Variants in C9 observed in about 807,000 individuals in gnomAD.
C9 encodes the protein complement component C9.
In C9, 63 loss-of-function variants were observed where a neutral mutation model predicts 65.4. The observed-to-expected ratio is 0.96, with a 90% CI of 0.79 to 1.19. The LOEUF is 1.19. C9 is among the 50% of genes most tolerant of loss of function. C9 has a pLI of 0.00. For missense variants in C9, 744 were observed against 670.1 expected, an observed-to-expected ratio of 1.11 and a Z score of -1.22; for synonymous variants, 229 against 227.9, an observed-to-expected ratio of 1.00 and a Z score of -0.04.
chr5:39,360,409 C>G (rs1754494831), intron 1 of C9, among the ~76,000 whole-genome samples: 1 of 152,116 alleles, frequency 6.6e-6, no homozygotes, highest in South Asian at 2.1e-4. Flanking sequence ...TAACTAGTCA[C>G]TTTCAGGTCT....
At chr5:39,296,469 A>G (rs112777519) in intron 9 of C9, among the ~76,000 whole-genome samples, 2 of 151,702 alleles carry the variant, frequency 1.3e-5, no homozygotes, top group African/African-American at 4.8e-5. Flanking sequence ...GGATGTGGAA[A>G]AAAAAGGAAC....
intron 4 of C9, among the ~76,000 whole-genome samples, chr5:39,340,282 T>A (rs1754050680): frequency 6.6e-6 from 1 of 152,194 alleles, no homozygotes; most frequent in Admixed American, 6.5e-5. Context: ...AATAAAGCCA[T>A]ATACCATCTC....
At chr5:39,307,785 T>C (rs1753407481) in intron 8 of C9, among the ~76,000 whole-genome samples, 1 of 152,180 alleles carries the variant, frequency 6.6e-6, no homozygotes, top group Admixed American at 6.5e-5. Context: ...TAGGCACCAA[T>C]TTAAAGTTAA....
chr5:39,306,485 T>C, intron 9 of C9, 132 bp downstream of exon 9: 5 of 760,874 alleles, frequency 6.6e-6, no homozygotes, highest in African/African-American at 3.5e-5. Flanking sequence ...ATGCCTCCTT[T>C]TGGGGAAGAA....
chr5:39,340,842 G>T lies in C9; in HGVS notation c.476+304C>A, dbSNP rs150854011. 5.3e-5 allele frequency among the ~76,000 whole-genome samples: 8 copies of T among 152,198 alleles called. No individual in the cohort carries two copies. The East Asian group carries it at 1.5e-3, about 29-fold the overall frequency. ...AACATATCATGTCAATGTTGCTGTG[G>T]TCTCCCAGAGGTTCCTAAATGAGAG... On this transcript the variant is annotated intron_variant, in intron 4 of 10. Transcript: ENST00000263408.
rs1422710984 is a variant in C9, at chr5:39,285,098, G to T, written c.*101C>A. On this transcript the variant is annotated 3_prime_UTR_variant, in exon 11 of 11. Coordinates refer to ENST00000263408, the MANE Select transcript of C9 (RefSeq NM_001737.5). ...CAGAGGTTGGTAGGATTTTCATGAA[G>T]CATGTTGCTATTTACTTGGCAGCTA... is the stretch of plus-strand genomic sequence containing the variant. 1.9e-5 allele frequency: 18 copies of T among 946,562 alleles called. No homozygotes were observed. In the East Asian group the frequency reaches 4.3e-4, roughly 23 times the overall value. 58.6% of individuals were successfully genotyped at this position (946,562 alleles called of 1,614,324 possible). A position where few individuals can be genotyped will look rare whatever the true frequency, so the allele number is the denominator to read the frequency against.
At chr5:39,315,299 T>C (rs1579852821) in intron 6 of C9, among the ~76,000 whole-genome samples, 1 of 152,264 alleles carries the variant, frequency 6.6e-6, no homozygotes, top group African/African-American at 2.4e-5. Context: ...ATTTTAAAAA[T>C]CACATTTTCA....
intron 4 of C9, among the ~76,000 whole-genome samples, chr5:39,337,247 AG>A (rs1213351406): frequency 6.6e-6 from 1 of 152,180 alleles, no homozygotes; most frequent in Non-Finnish European, 1.5e-5. Flanking sequence ...GCCCTTGGAA[AG>A]TTTTTGTGCA....
Position 39,331,712 on chromosome 5 carries a change from G to A in C9, c.579C>T (p.Tyr193=). 6.2e-7 allele frequency: 1 copy of A among 1,613,762 alleles called. No homozygotes were observed. The highest frequency in any genetic ancestry group is 8.5e-7 in the Non-Finnish European group (1 of 1,179,672). ...AAGAAGCCACGTTCCAAGGTCTTCG[G>A]TAGTATGTCAGAGTGTTTCCATCCC... ...RDRDGNTLTY[Y]RRPWNVASLI... Residue 193 remains tyrosine, a synonymous_variant, in exon 5 of 11, where the codon TAC becomes TAT. Coordinates refer to ENST00000263408, the MANE Select transcript of C9 (RefSeq NM_001737.5).
At chr5:39,288,147 T>C (rs1389649400) in intron 10 of C9, among the ~76,000 whole-genome samples, 3 of 151,892 alleles carry the variant, frequency 2.0e-5, no homozygotes, top group South Asian at 2.1e-4. Flanking sequence ...ATATTTTTCA[T>C]TGGTACATAC....
Position 39,285,140 on chromosome 5 carries a change from T to TAG in C9, c.*57_*58dup. On this transcript the variant is annotated 3_prime_UTR_variant, in exon 11 of 11. Transcript: ENST00000263408. ...TGGCAGCTAAGATTATCTTCAGGGG[T>TAG]AGGATCTGAAGGTACTAGTGTTTTC... The TAG allele has an allele frequency of 1.5e-6, 2 of 1,345,092 alleles. No homozygotes were observed. The highest frequency in any genetic ancestry group is 2.1e-6 in the Non-Finnish European group (2 of 934,644). 83.3% of individuals were successfully genotyped at this position (1,345,092 alleles called of 1,614,324 possible). A position where few individuals can be genotyped will look rare whatever the true frequency, so the allele number is the denominator to read the frequency against.
intron 5 of C9, among the ~76,000 whole-genome samples, chr5:39,316,827 T>C (rs751526339): frequency 2.8e-4 from 43 of 152,222 alleles, no homozygotes; most frequent in Non-Finnish European, 5.0e-4. Flanking sequence ...TGTATCTTTA[T>C]AATAGAATGA....
intron 1 of C9, among the ~76,000 whole-genome samples, chr5:39,351,570 T>C (rs1170692276): frequency 6.6e-6 from 1 of 152,232 alleles, no homozygotes; most frequent in African/African-American, 2.4e-5. Flanking sequence ...AAATTTCTTC[T>C]ACCAGATACC....
At position 39,340,204 on chromosome 5, in the gene C9, G is replaced by C. The variant is rs1407137542; in HGVS notation, c.476+942C>G. ...TGTATCCACCTACCAAGTATTTACT[G>C]AGCACCTACTATGACCCAGGCACAG... On this transcript the variant is annotated intron_variant, in intron 4 of 10. Coordinates refer to ENST00000263408, the MANE Select transcript of C9 (RefSeq NM_001737.5). Among the ~76,000 whole-genome samples the C allele has an allele frequency of 2.0e-5, 3 of 152,000 alleles. No individual in the cohort carries two copies. The East Asian group carries it at 5.8e-4, about 29-fold the overall frequency.
At chr5:39,298,289 G>A (rs1271102842) in intron 9 of C9, among the ~76,000 whole-genome samples, 1 of 150,816 alleles carries the variant, frequency 6.6e-6, no homozygotes. Context: ...TAAGTACAAA[G>A]CATAAGGAAG....
chr5:39,348,422 G>A (rs1754250494), intron 1 of C9, among the ~76,000 whole-genome samples: 1 of 152,172 alleles, frequency 6.6e-6, no homozygotes, highest in Non-Finnish European at 1.5e-5. Context: ...ATGAAAAAAT[G>A]CTCATCATCA....
intron 1 of C9, among the ~76,000 whole-genome samples, chr5:39,351,739 C>G (rs1479706684): frequency 6.6e-6 from 1 of 152,116 alleles, no homozygotes; most frequent in Non-Finnish European, 1.5e-5. Context: ...ATTTCATTGT[C>G]CATATCACTA....
intron 2 of C9, 109 bp from the exon 3 acceptor site, chr5:39,341,809 A>G: frequency 9.5e-7 from 1 of 1,052,572 alleles, no homozygotes; most frequent in East Asian, 2.5e-5. Context: ...TGGTTTTAAG[A>G]TAGAAGTGGT....
intron 9 of C9, among the ~76,000 whole-genome samples, chr5:39,292,746 A>G (rs141670884): frequency 4.2e-4 from 64 of 151,764 alleles, no homozygotes; most frequent in African/African-American, 1.5e-3. Context: ...AGCATTAAAA[A>G]TGGGAGGGAG....
Sources: gnomAD v4.1 joint callset for allele counts (sites outside exome capture counted in the v4.1 genomes callset) on GRCh38, gnomAD v4.1.1 for gene constraint, MANE v1.5 for transcripts, NCBI Gene and HGNC (gene_info 2026-07-23, HGNC 2026-07-21) for gene names.